Variants in GPC6 observed in about 807,000 individuals in gnomAD.
GPC6 encodes glypican-6.
Under a neutral mutation model 55.2 loss-of-function variants are expected in GPC6, and 14 were observed. That is an observed-to-expected ratio of 0.25 (90% CI 0.17 to 0.40). GPC6 has a LOEUF of 0.40. Among genes scored for constraint, GPC6 ranks in the 10% least tolerant of loss-of-function variants. The pLI is 1.00. For missense variants in GPC6, 641 were observed against 708.5 expected, an observed-to-expected ratio of 0.90 and a Z score of 1.08; for synonymous variants, 278 against 259.6, an observed-to-expected ratio of 1.07 and a Z score of -0.68.
chr13:93,444,137 T>C lies in GPC6; in HGVS notation c.161-101126T>C, dbSNP rs190395664. On this transcript the variant is annotated intron_variant, in intron 1 of 8. Coordinates refer to ENST00000377047, the MANE Select transcript of GPC6 (RefSeq NM_005708.5). ...ATTGTTGAAAAATGTTATCAAAATA[T>C]ACTACTAAAAGTATCCACAGCAAAA... Among the ~76,000 whole-genome samples, 213 of 151,142 alleles carry C rather than the reference T, an allele frequency of 1.4e-3. 1 individual carries two copies. The highest frequency in any genetic ancestry group is 4.9e-3 in the African/African-American group (202 of 41,280).
intron 4 of GPC6, among the ~76,000 whole-genome samples, chr13:94,162,326 T>C (rs1384019304): frequency 6.6e-6 from 1 of 152,170 alleles, no homozygotes; most frequent in Non-Finnish European, 1.5e-5. Flanking sequence ...GCCAGCAGTA[T>C]CTGAGGCTAG....
chr13:93,814,862 G>A (rs1245828303), intron 2 of GPC6, among the ~76,000 whole-genome samples: 1 of 152,198 alleles, frequency 6.6e-6, no homozygotes, highest in African/African-American at 2.4e-5. Flanking sequence ...GGCGCTGGAA[G>A]AGGGAGATTC....
Position 93,967,805 on chromosome 13 carries a change from C to A in GPC6, c.712-59924C>A, listed in dbSNP as rs114895538. Among the ~76,000 whole-genome samples, 949 of 152,060 alleles carry A rather than the reference C, an allele frequency of 6.2e-3. 7 individuals carry two copies. The highest frequency in any genetic ancestry group is 0.022 in the African/African-American group (896 of 41,482). ...TTCTAAATTTTCTTACTCTCTTTAC[C>A]AACGAGAATGCATTGTAAGCTCTCA... On this transcript the variant is annotated intron_variant, in intron 3 of 8. Coordinates refer to ENST00000377047, the MANE Select transcript of GPC6 (RefSeq NM_005708.5).
intron 3 of GPC6, among the ~76,000 whole-genome samples, chr13:93,886,066 C>T (rs2140313626): frequency 6.6e-6 from 1 of 152,148 alleles, no homozygotes; most frequent in East Asian, 1.9e-4. Context: ...CTGTGTGCAT[C>T]TCACAAAATG....
chr13:94,128,823 T>A (rs144349168), intron 4 of GPC6, among the ~76,000 whole-genome samples: 30 of 152,256 alleles, frequency 2.0e-4, no homozygotes, highest in African/African-American at 7.2e-4. Context: ...ATTCAGAAGG[T>A]CGGAGAATCA....
intron 4 of GPC6, among the ~76,000 whole-genome samples, chr13:94,086,421 A>T (rs1885283840): frequency 6.6e-6 from 1 of 152,122 alleles, no homozygotes; most frequent in Non-Finnish European, 1.5e-5. Flanking sequence ...CCCCAGCCAT[A>T]GCACCCCAAG....
At chr13:93,690,307 G>T (rs1454922559) in intron 2 of GPC6, among the ~76,000 whole-genome samples, 1 of 151,978 alleles carries the variant, frequency 6.6e-6, no homozygotes, top group Non-Finnish European at 1.5e-5. Context: ...GGTAGTGCAA[G>T]TCAGGAGGAC....
chr13:94,209,008 A>AT (rs1285292964), intron 4 of GPC6, among the ~76,000 whole-genome samples: 2 of 152,116 alleles, frequency 1.3e-5, no homozygotes, highest in Non-Finnish European at 2.9e-5. Context: ...GATATATAAT[A>AT]TATATTCATT....
intron 3 of GPC6, among the ~76,000 whole-genome samples, chr13:93,915,728 C>T (rs1010450164): frequency 8.5e-5 from 13 of 152,146 alleles, no homozygotes; most frequent in African/African-American, 3.1e-4. Flanking sequence ...ACCTCTTTGA[C>T]CTGAATCTAA....
At chr13:93,496,132 T>G (rs371849591) in intron 1 of GPC6, among the ~76,000 whole-genome samples, 2 of 152,100 alleles carry the variant, frequency 1.3e-5, no homozygotes, top group Admixed American at 6.5e-5. Context: ...CCTTGCTGCC[T>G]CCTTGCAGTT....
intron 4 of GPC6, among the ~76,000 whole-genome samples, chr13:94,062,432 G>A (rs1884364312): frequency 6.6e-6 from 1 of 151,882 alleles, no homozygotes; most frequent in Non-Finnish European, 1.5e-5. Context: ...TGTATTTTTA[G>A]TAGAGACCAG....
chr13:93,977,080 C>G (rs1282469437), intron 3 of GPC6, among the ~76,000 whole-genome samples: 1 of 152,120 alleles, frequency 6.6e-6, no homozygotes, highest in Non-Finnish European at 1.5e-5. Flanking sequence ...TGAAAACTGA[C>G]ACCCATGGAT....
intron 2 of GPC6, among the ~76,000 whole-genome samples, chr13:93,798,487 A>G (rs920114859): frequency 6.6e-5 from 10 of 152,170 alleles, no homozygotes; most frequent in African/African-American, 2.4e-4. Context: ...AGTGCCAAAT[A>G]ATTATAGGCA....
At chr13:93,878,631 G>A (rs1484722132) in intron 3 of GPC6, among the ~76,000 whole-genome samples, 2 of 152,010 alleles carry the variant, frequency 1.3e-5, no homozygotes, top group Non-Finnish European at 2.9e-5. Flanking sequence ...ATGCACCTCA[G>A]CCTCCCAAAG....
intron 2 of GPC6, among the ~76,000 whole-genome samples, chr13:93,603,183 A>G (rs1437674972): frequency 1.3e-5 from 2 of 151,638 alleles, no homozygotes; most frequent in African/African-American, 4.8e-5. Flanking sequence ...CTAATTTTTT[A>G]TTATTTGTAA....
intron 1 of GPC6, among the ~76,000 whole-genome samples, chr13:93,529,659 G>A (rs973588061): frequency 5.3e-5 from 8 of 151,684 alleles, no homozygotes; most frequent in Admixed American, 3.3e-4. Context: ...TGGGATTACA[G>A]GTGCCCGCCA....
chr13:93,410,037 T>C (rs1876438188), intron 1 of GPC6, among the ~76,000 whole-genome samples: 1 of 152,210 alleles, frequency 6.6e-6, no homozygotes, highest in African/African-American at 2.4e-5. Context: ...CATCCAAAGC[T>C]GGCTTCTGTT....
At chr13:93,865,715 C>T (rs776976266) in intron 3 of GPC6, among the ~76,000 whole-genome samples, 2 of 151,656 alleles carry the variant, frequency 1.3e-5, no homozygotes, top group Non-Finnish European at 3.0e-5. Flanking sequence ...TTCTTTTTAA[C>T]TAATTCAACA....
intron 3 of GPC6, among the ~76,000 whole-genome samples, chr13:93,912,863 C>T (rs1166930936): frequency 1.3e-5 from 2 of 152,202 alleles, no homozygotes; most frequent in East Asian, 1.9e-4. Context: ...TAAGTCCCTA[C>T]CTGCCAGTGA....
Sources: gnomAD v4.1 joint callset for allele counts (sites outside exome capture counted in the v4.1 genomes callset) on GRCh38, gnomAD v4.1.1 for gene constraint, MANE v1.5 for transcripts, NCBI Gene and HGNC (gene_info 2026-07-23, HGNC 2026-07-21) for gene names.